Variants in MLXIPL observed in about 807,000 individuals in gnomAD.
The protein encoded by MLXIPL is carbohydrate-responsive element-binding protein.
MLXIPL carries 49 observed loss-of-function variants against 81.5 expected under a neutral mutation model. That is an observed-to-expected ratio of 0.60 (90% confidence interval 0.48 to 0.76). MLXIPL has a LOEUF of 0.76. Among genes scored for constraint, MLXIPL ranks in the 30% least tolerant of loss-of-function variants. MLXIPL has a pLI of 0.00. For synonymous variants in MLXIPL, 466 were observed against 485.5 expected (o/e 0.96, Z 0.53); for missense variants, 1,053 against 1,167.0 (o/e 0.90, Z 1.42).
intron 1 of MLXIPL, among the ~76,000 whole-genome samples, chr7:73,619,543 C>G (rs995704771): frequency 6.6e-6 from 1 of 150,614 alleles, no homozygotes; most frequent in Non-Finnish European, 1.5e-5. Flanking sequence ...GTGGGAAGAT[C>G]GCTTGAGCCC....
intron 2 of MLXIPL, among the ~76,000 whole-genome samples, chr7:73,611,906 T>C (rs1266353337): frequency 1.3e-5 from 2 of 152,090 alleles, no homozygotes; most frequent in African/African-American, 2.4e-5. Flanking sequence ...TGAGCCCAGA[T>C]TGGACAGAAA....
At position 73,597,407 on chromosome 7, in the gene MLXIPL, G is replaced by A. The variant is rs1554594634; in HGVS notation, c.1378C>T (p.Gln460Ter). 7.0e-7 allele frequency: 1 copy of A among 1,425,684 alleles called. No homozygotes were observed. The highest frequency in any genetic ancestry group is 2.6e-5 in the East Asian group (1 of 38,770). The allele number at this position is 1,425,684 out of a possible 1,614,324, so 88.3% of individuals were successfully genotyped here. The stretch of plus-strand genomic sequence containing the variant: ...GTGGGGGCTGGGCTGGGGACAGACT[G>A]TGGGGTGGGTGGGAAGGCTGCAGGA... ...PAPAAFPPTP[Q>*]SVPSPAPTPF... The change falls in exon 9 of 17, where the codon CAG becomes TAG. Residue 460 changes from glutamine (Q) to a stop codon, truncating the protein, a stop_gained. Transcript: ENST00000313375. LOFTEE classifies it high-confidence loss of function.
intron 8 of MLXIPL, 148 bp downstream of exon 8, chr7:73,599,378 G>C: frequency 9.7e-7 from 1 of 1,027,876 alleles, no homozygotes; most frequent in South Asian, 1.3e-5. Context: ...GTCCCTCCCA[G>C]AGGGCAGAGA....
At chr7:73,598,766 T>A (rs888460036) in intron 8 of MLXIPL, among the ~76,000 whole-genome samples, 9 of 151,952 alleles carry the variant, frequency 5.9e-5, no homozygotes, top group Non-Finnish European at 1.5e-5. Flanking sequence ...AATTAGCACC[T>A]GAAAAGTCTG....
chr7:73,595,909 G>T lies in MLXIPL; in HGVS notation c.2119C>A (p.Arg707Ser). 1.2e-6 allele frequency: 2 copies of T among 1,613,186 alleles called. No individual in the cohort carries two copies. The highest frequency in any genetic ancestry group is 2.2e-5 in the East Asian group (1 of 44,856). Residue 707 changes from arginine to serine, a missense_variant, in exon 14 of 17, where the codon CGT becomes AGT. This residue lies in a region of MLXIPL where 823 missense variants were observed against 933.0 expected (regional missense o/e 0.88). Coordinates refer to ENST00000313375, the MANE Select transcript of MLXIPL (RefSeq NM_032951.3). ...TGGGCCTCCTCCTGCAAGCCCGCAC[G>T]CTCCTGCTGTAGCATAAGGATGTAC... ...AEYILMLQQE[R>S]AGLQEEAQQL... is the part of the protein sequence containing the mutation.
At chr7:73,629,348 C>G (rs1796800195), upstream of MLXIPL, among the ~76,000 whole-genome samples, 1 of 152,138 alleles carries the variant, frequency 6.6e-6, no homozygotes, top group African/African-American at 2.4e-5. Context: ...CCGCACCACC[C>G]TTGTTCTAAT....
chr7:73,628,501 T>A (rs781940896), upstream of MLXIPL, among the ~76,000 whole-genome samples: 47 of 152,178 alleles, frequency 3.1e-4, no homozygotes, highest in Non-Finnish European at 5.9e-5. Context: ...GATTCTGATT[T>A]CTCCTGTGTT....
the MLXIPL span, among the ~76,000 whole-genome samples, chr7:73,633,214 G>A: frequency 6.6e-6 from 1 of 151,474 alleles, no homozygotes; most frequent in Non-Finnish European, 1.5e-5. Context: ...CCGAGTAGCT[G>A]GGACTACAGT....
chr7:73,596,446 G>A lies in MLXIPL; in HGVS notation c.1856C>T (p.Ser619Phe). Residue 619 changes from serine (S) to phenylalanine (F), a missense_variant, in exon 12 of 17, where the codon TCC becomes TTC. Around this residue, in one of 3 missense-constraint regions of MLXIPL, gnomAD observed 823 missense variants for 933.0 expected, o/e 0.88. Coordinates refer to ENST00000313375, the MANE Select transcript of MLXIPL (RefSeq NM_032951.3). This position sits in a 1 kb window ranked among gnomAD's most constrained non-coding sequence, Gnocchi z 4.7. ...GCTCAGAGTCCCAGGGCCTGGCATG[G>A]AGCTGAGGTCCCCTGACAGCCGCCG... ...SERRLSGDLS[S>F]MPGPGTLSVR... 6.2e-7 allele frequency: 1 copy of A among 1,612,884 alleles called. No homozygotes were observed. Among genetic ancestry groups the A allele is most frequent in the Non-Finnish European group, 8.5e-7 (1 of 1,179,982 alleles).
intron 7 of MLXIPL, 125 bp downstream of exon 7, chr7:73,605,563 A>G: frequency 2.4e-6 from 2 of 829,440 alleles, no homozygotes; most frequent in East Asian, 2.7e-5. Context: ...ATAAATAAAT[A>G]AAAAGACAGA....
chr7:73,602,532 T>C (rs13240994), intron 7 of MLXIPL, among the ~76,000 whole-genome samples: 23,197 of 150,816 alleles, frequency 0.15, 1,911 homozygotes, highest in Non-Finnish European at 0.19. Flanking sequence ...ATACAAAAAT[T>C]AGTCAGGCGT....
At chr7:73,595,106 A>G (rs1468464020) in intron 15 of MLXIPL, among the ~76,000 whole-genome samples, 1 of 152,020 alleles carries the variant, frequency 6.6e-6, no homozygotes, top group East Asian at 1.9e-4. Context: ...TCGGCCTCCC[A>G]AAGTGCTGGG....
chr7:73,623,455 G>A lies in MLXIPL; in HGVS notation c.293+745C>T, dbSNP rs1029493897. ...AGCGGCAGCGGGGCGCGGCCTGTGC[G>A]CTCTCGGTGGCACTAAGCGGGGGTC... On this transcript the variant is annotated intron_variant, in intron 1 of 16. Transcript: ENST00000313375. The surrounding 1 kb of genome is among the most constrained non-coding windows in gnomAD (Gnocchi z 5.7). Among the ~76,000 whole-genome samples, 1 of 152,044 alleles carries A rather than the reference G, an allele frequency of 6.6e-6. No homozygotes were observed. The highest frequency in any genetic ancestry group is 1.5e-5 in the Non-Finnish European group (1 of 68,024).
chr7:73,618,791 A>G (rs1554601326), intron 1 of MLXIPL, among the ~76,000 whole-genome samples: 2 of 152,042 alleles, frequency 1.3e-5, no homozygotes, highest in African/African-American at 4.8e-5. Context: ...GGGACTCCTG[A>G]GTCTGTTGTC....
intron 1 of MLXIPL, among the ~76,000 whole-genome samples, chr7:73,619,391 G>A (rs1252779622): frequency 3.3e-5 from 5 of 151,722 alleles, no homozygotes; most frequent in Admixed American, 3.3e-4. Flanking sequence ...AACCCGGGAG[G>A]CGGAGTTTGC....
chr7:73,608,458 A>G (rs553933493), intron 2 of MLXIPL, among the ~76,000 whole-genome samples: 2 of 152,212 alleles, frequency 1.3e-5, no homozygotes, highest in East Asian at 3.9e-4. Context: ...ATGGCGGCAC[A>G]TGCCTATAGT....
chr7:73,616,746 G>C (rs781943793), intron 1 of MLXIPL, among the ~76,000 whole-genome samples: 15 of 151,394 alleles, frequency 9.9e-5, no homozygotes, highest in Non-Finnish European at 2.1e-4. Context: ...TACTCAGGAG[G>C]CTGAAGCAGG....
chr7:73,607,195 C>T (rs1237981216), intron 4 of MLXIPL, 136 bp downstream of exon 4: 11 of 1,256,992 alleles, frequency 8.8e-6, no homozygotes, highest in Non-Finnish European at 1.1e-5. Context: ...GCGCTGTCGG[C>T]CCGGGACTGA....
chr7:73,606,135 G>C, intron 5 of MLXIPL, 24 bp from the exon 6 acceptor site: 1 of 1,556,732 alleles, frequency 6.4e-7, no homozygotes, highest in Non-Finnish European at 8.7e-7. Flanking sequence ...GCCGTCAGCA[G>C]CCGCTAGAGA....
Sources: allele counts gnomAD v4.1 joint callset (sites outside exome capture counted in the v4.1 genomes callset), GRCh38; gene constraint gnomAD v4.1.1; regional missense constraint gnomAD v4.1.1; non-coding constraint Gnocchi (gnomAD v3.1); transcripts MANE v1.5; gene names NCBI Gene and HGNC (gene_info 2026-07-23, HGNC 2026-07-21).